SATB2: variants seen among roughly 807,000 people sequenced by gnomAD.
SATB2 encodes the protein DNA-binding protein SATB2.
Under a neutral mutation model 73.4 loss-of-function variants are expected in SATB2, and 1 was observed. The ratio of observed to expected loss-of-function variants is 0.01; its 90% CI spans 0.00 to 0.06. The LOEUF is 0.06. SATB2 is among the 10% of genes least tolerant of loss of function. The pLI is 1.00. For missense variants in SATB2, 459 were observed against 945.8 expected (o/e 0.49, Z 6.75); for synonymous variants, 397 against 367.0 (o/e 1.08, Z -0.93).
At chr2:199,405,537 G>A (rs1420037856) in intron 3 of SATB2, among the ~76,000 whole-genome samples, 1 of 152,170 alleles carries the variant, frequency 6.6e-6, no homozygotes, top group Non-Finnish European at 1.5e-5. Flanking sequence ...AATAGAGAAA[G>A]GCTGGAGGGC....
intron 10 of SATB2, among the ~76,000 whole-genome samples, chr2:199,279,139 A>G (rs1202692040): frequency 6.6e-6 from 1 of 152,256 alleles, no homozygotes; most frequent in African/African-American, 2.4e-5. Flanking sequence ...TGAAGATGGC[A>G]ATGAAGAATG....
chr2:199,410,138 A>T (rs1690768305), intron 3 of SATB2, among the ~76,000 whole-genome samples: 1 of 152,210 alleles, frequency 6.6e-6, no homozygotes, highest in African/African-American at 2.4e-5. Context: ...TCTTAAAAGC[A>T]CTACAGAATA....
At chr2:199,391,110 G>C (rs563060523) in intron 3 of SATB2, among the ~76,000 whole-genome samples, 11 of 152,268 alleles carry the variant, frequency 7.2e-5, no homozygotes, top group African/African-American at 2.6e-4. Flanking sequence ...AGTGGCAACT[G>C]CTTTTGGTTT....
At chr2:199,364,910 G>C (rs1413897753) in intron 6 of SATB2, among the ~76,000 whole-genome samples, 1 of 152,002 alleles carries the variant, frequency 6.6e-6, no homozygotes, top group Non-Finnish European at 1.5e-5. Context: ...ATTGCCATGA[G>C]AGTAAAACTG....
At chr2:199,292,190 T>A (rs2105743917) in intron 10 of SATB2, among the ~76,000 whole-genome samples, 1 of 152,318 alleles carries the variant, frequency 6.6e-6, no homozygotes, top group East Asian at 1.9e-4. Flanking sequence ...ATATGGTCCT[T>A]TTGGTCTAAA....
chr2:199,428,240 A>G (rs1691393778), intron 3 of SATB2, among the ~76,000 whole-genome samples: 1 of 152,244 alleles, frequency 6.6e-6, no homozygotes, highest in South Asian at 2.1e-4. Flanking sequence ...TGGCTTCAGT[A>G]CATGACAATT....
chr2:199,305,332 T>C (rs1275495747), intron 10 of SATB2, among the ~76,000 whole-genome samples: 1 of 151,658 alleles, frequency 6.6e-6, no homozygotes, highest in Admixed American at 6.6e-5. Flanking sequence ...AAATGTGGAC[T>C]TGAGGGGCCG....
intron 10 of SATB2, among the ~76,000 whole-genome samples, chr2:199,279,452 T>G (rs374920762): frequency 1.3e-5 from 2 of 152,204 alleles, no homozygotes; most frequent in South Asian, 2.1e-4. Context: ...TGATTAAGTT[T>G]AGGAAAGTAT....
At chr2:199,428,136 G>A (rs1475184503) in intron 3 of SATB2, among the ~76,000 whole-genome samples, 1 of 152,042 alleles carries the variant, frequency 6.6e-6, no homozygotes, top group African/African-American at 2.4e-5. Context: ...TTCTATTTTT[G>A]TATCAGGACT....
At chr2:199,466,659 C>T (rs891280810), upstream of SATB2, among the ~76,000 whole-genome samples, 2 of 152,236 alleles carry the variant, frequency 1.3e-5, no homozygotes, top group African/African-American at 2.4e-5. Context: ...GCTTTTCCAC[C>T]ATTGGTCCCA....
intron 10 of SATB2, among the ~76,000 whole-genome samples, chr2:199,279,370 A>G (rs189360591): frequency 7.9e-5 from 12 of 152,342 alleles, no homozygotes; most frequent in East Asian, 5.8e-4. Context: ...GAAGGCCTCA[A>G]TGAAAACCAG....
intron 10 of SATB2, among the ~76,000 whole-genome samples, chr2:199,274,853 G>C (rs1692263623): frequency 6.6e-6 from 1 of 152,070 alleles, no homozygotes. Flanking sequence ...GGGGGGACTG[G>C]TGCTGGTCAG....
chr2:199,294,094 C>T (rs1376934003), intron 10 of SATB2, among the ~76,000 whole-genome samples: 4 of 152,014 alleles, frequency 2.6e-5, no homozygotes, highest in East Asian at 1.9e-4. Flanking sequence ...AAGATGTTTC[C>T]GACTAATCTT....
intron 7 of SATB2, among the ~76,000 whole-genome samples, chr2:199,335,025 C>T (rs1688296565): frequency 6.6e-6 from 1 of 152,064 alleles, no homozygotes; most frequent in African/African-American, 2.4e-5. Context: ...GCTAAAAATA[C>T]TCACCCCATC....
At chr2:199,351,877 G>T (rs570165041) in intron 6 of SATB2, among the ~76,000 whole-genome samples, 1 of 151,952 alleles carries the variant, frequency 6.6e-6, no homozygotes, top group African/African-American at 2.4e-5. Flanking sequence ...TTTTTGGTGG[G>T]GGGAGGGGCT....
chr2:199,411,535 G>A lies in SATB2; in HGVS notation c.346+21803C>T, dbSNP rs189048227. 5.8e-4 allele frequency among the ~76,000 whole-genome samples: 89 copies of A among 152,236 alleles called. 2 individuals are homozygous for A. The highest frequency in any genetic ancestry group is 5.3e-3 in the Admixed American group (81 of 15,300). On this transcript the variant is annotated intron_variant, in intron 3 of 10. Transcript: ENST00000417098. ...CATTTTCTCCTCACAACATTATGAGGGTAGATGTTATTTTTATTTACAGAT... is the reference window on the plus strand; with the variant it reads ...CATTTTCTCCTCACAACATTATGAGAGTAGATGTTATTTTTATTTACAGAT...
At chr2:199,357,979 T>C (rs1035279821) in intron 6 of SATB2, among the ~76,000 whole-genome samples, 8 of 152,188 alleles carry the variant, frequency 5.3e-5, no homozygotes, top group Non-Finnish European at 1.0e-4. Context: ...AATTCACATA[T>C]AATTGAACTA....
At chr2:199,415,653 C>G (rs1437291876) in intron 3 of SATB2, among the ~76,000 whole-genome samples, 1 of 152,200 alleles carries the variant, frequency 6.6e-6, no homozygotes, top group Non-Finnish European at 1.5e-5. Context: ...GATTAAATAA[C>G]TAAATCCCTG....
chr2:199,306,050 G>A (rs989143092), intron 10 of SATB2, among the ~76,000 whole-genome samples: 6 of 152,024 alleles, frequency 3.9e-5, no homozygotes, highest in African/African-American at 1.4e-4. Context: ...TTCTAAAACA[G>A]GTAATTAACT....
Sources: allele counts gnomAD v4.1 joint callset (sites outside exome capture counted in the v4.1 genomes callset), GRCh38; gene constraint gnomAD v4.1.1; transcripts MANE v1.5; gene names NCBI Gene and HGNC (gene_info 2026-07-23, HGNC 2026-07-21).